STAU2: variants seen among roughly 807,000 people sequenced by gnomAD.
STAU2 encodes the protein staufen double-stranded RNA binding protein 2, also known as double-stranded RNA-binding protein Staufen homolog 2.
In STAU2, 20 loss-of-function variants were observed where a neutral mutation model predicts 65.9. The ratio of observed to expected loss-of-function variants is 0.30; its 90% CI spans 0.21 to 0.44. The LOEUF (loss-of-function observed/expected upper bound fraction) is 0.44, where lower values mean the gene tolerates loss of function less well. STAU2 is among the 20% of genes least tolerant of loss of function. The pLI, the probability that STAU2 is intolerant of heterozygous loss-of-function variation, is 1.00. For synonymous variants in STAU2, 232 were observed against 233.9 expected (o/e 0.99, Z 0.07); for missense variants, 558 against 683.9 (o/e 0.82, Z 2.05).
At chr8:73,591,898 A>C (rs971439932) in intron 11 of STAU2, among the ~76,000 whole-genome samples, 1 of 145,066 alleles carries the variant, frequency 6.9e-6, no homozygotes, top group African/African-American at 2.6e-5. Context: ...AAAAAAAAAA[A>C]AAAAAAAAAA....
chr8:73,476,005 G>A (rs778463292), intron 13 of STAU2, among the ~76,000 whole-genome samples: 9 of 152,030 alleles, frequency 5.9e-5, no homozygotes, highest in South Asian at 2.1e-4. Flanking sequence ...AATAAATTAC[G>A]TGGCCCTGAG....
At chr8:73,564,406 T>A (rs150416179) in intron 12 of STAU2, among the ~76,000 whole-genome samples, 2 of 152,300 alleles carry the variant, frequency 1.3e-5, no homozygotes, top group African/African-American at 4.8e-5. Context: ...AAATACTGCA[T>A]GTTCTCACTT....
intron 13 of STAU2, among the ~76,000 whole-genome samples, chr8:73,532,142 C>A (rs1371739631): frequency 6.6e-6 from 1 of 152,128 alleles, no homozygotes; most frequent in Non-Finnish European, 1.5e-5. Context: ...AAATAGAGGT[C>A]ATAAGACTGA....
intron 4 of STAU2, among the ~76,000 whole-genome samples, chr8:73,698,862 C>T (rs1321550945): frequency 3.4e-5 from 5 of 148,640 alleles, no homozygotes; most frequent in East Asian, 2.0e-4. Flanking sequence ...TTTTTCTCCT[C>T]GACACATGGA....
intron 13 of STAU2, among the ~76,000 whole-genome samples, chr8:73,517,200 T>C (rs1195552788): frequency 2.0e-5 from 3 of 152,064 alleles, no homozygotes; most frequent in African/African-American, 4.8e-5. Context: ...AAGGATCAAT[T>C]GAGCCCAGGA....
At chr8:73,562,430 G>C (rs1808300263) in intron 12 of STAU2, among the ~76,000 whole-genome samples, 1 of 152,188 alleles carries the variant, frequency 6.6e-6, no homozygotes, top group South Asian at 2.1e-4. Flanking sequence ...AGGCTGCAGT[G>C]AGCTATAATG....
In STAU2 at chr8:73,460,458, C is replaced by T. The variant is rs1021855172; in HGVS notation, c.1531-37756G>A. Among the ~76,000 whole-genome samples, 5 of 152,270 alleles carry T rather than the reference C, an allele frequency of 3.3e-5. No individual in the cohort carries two copies. In the South Asian group the frequency reaches 6.2e-4, roughly 19 times the overall value. ...TTTGAACAAGTTTAAACACATTTGA[C>T]GACATCTAGCTTAAAAACTCCTTGT... On this transcript the variant is annotated intron_variant, in intron 13 of 14. Coordinates refer to ENST00000524300, the MANE Select transcript of STAU2 (RefSeq NM_001164380.2).
chr8:73,534,887 T>C (rs564571727), intron 13 of STAU2, among the ~76,000 whole-genome samples: 1 of 152,228 alleles, frequency 6.6e-6, no homozygotes, highest in Non-Finnish European at 1.5e-5. Context: ...TAAAGGGACA[T>C]GGATAAATAA....
intron 9 of STAU2, among the ~76,000 whole-genome samples, chr8:73,611,617 T>C (rs775736602): frequency 1.8e-4 from 28 of 151,550 alleles, no homozygotes; most frequent in Non-Finnish European, 4.0e-4. Context: ...TATCCTACTA[T>C]AGAAATGTAC....
intron 1 of STAU2, among the ~76,000 whole-genome samples, chr8:73,742,598 C>T (rs1276337396): frequency 6.6e-6 from 1 of 151,800 alleles, no homozygotes; most frequent in East Asian, 1.9e-4. Context: ...ACAGTTGATT[C>T]CAATTACAAC....
intron 13 of STAU2, among the ~76,000 whole-genome samples, chr8:73,436,158 T>C (rs1438902261): frequency 6.6e-6 from 1 of 151,892 alleles, no homozygotes; most frequent in Non-Finnish European, 1.5e-5. Flanking sequence ...CTGGATTGCA[T>C]GTGGGAGGGC....
intron 5 of STAU2, among the ~76,000 whole-genome samples, chr8:73,687,223 CTTAAATATAAATTAAT>C (rs1172593829): frequency 1.1e-4 from 14 of 130,330 alleles, no homozygotes; most frequent in African/African-American, 4.1e-4. Context: ...TAAATATAAA[CTTAAATATAAATTAAT>C]TTAAATATAA....
Position 73,713,182 on chromosome 8 carries a change from C to T in STAU2, c.-17-4020G>A, listed in dbSNP as rs566924347. 2.0e-5 allele frequency among the ~76,000 whole-genome samples: 3 copies of T among 152,242 alleles called. No individual in the cohort carries two copies. In the South Asian group the frequency reaches 6.2e-4, roughly 32 times the overall value. On this transcript the variant is annotated intron_variant, in intron 3 of 14. Coordinates refer to ENST00000524300, the MANE Select transcript of STAU2 (RefSeq NM_001164380.2). ...CTGGTAAAATACATATTTATAATAA[C>T]AGTATTTGCATATCCAACAAAAACA... is the stretch of plus-strand genomic sequence containing the variant.
chr8:73,580,847 C>G (rs919261125), intron 12 of STAU2, among the ~76,000 whole-genome samples: 3 of 152,160 alleles, frequency 2.0e-5, no homozygotes, highest in Non-Finnish European at 4.4e-5. Context: ...ACTCTTAGAG[C>G]AGCTTTCTCA....
chr8:73,421,155 T>C lies in STAU2; in HGVS notation c.*217A>G. On this transcript the variant is annotated 3_prime_UTR_variant, in exon 15 of 15. Coordinates refer to ENST00000524300, the MANE Select transcript of STAU2 (RefSeq NM_001164380.2). The stretch of plus-strand genomic sequence containing the variant: ...CTGCTGCCTCTAGGCAAATGAGTTA[T>C]GATCTGATCTCGAGTTCCAAGGGAA... 2.0e-6 allele frequency: 1 copy of C among 500,156 alleles called. No individual in the cohort carries two copies. The highest frequency in any genetic ancestry group is 3.2e-5 in the South Asian group (1 of 31,164). 31.0% of individuals were successfully genotyped at this position (500,156 alleles called of 1,614,324 possible).
intron 13 of STAU2, among the ~76,000 whole-genome samples, chr8:73,433,075 G>C (rs543612449): frequency 1.3e-4 from 20 of 152,226 alleles, no homozygotes; most frequent in Non-Finnish European, 2.6e-4. Flanking sequence ...CTGACAGCAG[G>C]AGTAACTGCA....
intron 13 of STAU2, among the ~76,000 whole-genome samples, chr8:73,466,734 T>C (rs570283639): frequency 1.6e-4 from 24 of 152,240 alleles, no homozygotes; most frequent in Admixed American, 2.0e-4. Context: ...ACTTCTACTT[T>C]GTGCTGTGGA....
At chr8:73,511,317 A>C (rs1314395048) in intron 13 of STAU2, 1 of 152,916 alleles carries the variant, frequency 6.5e-6, no homozygotes, top group African/African-American at 2.4e-5. Flanking sequence ...CCTCCTCCTC[A>C]TCTTCTTCTT....
chr8:73,582,221 GA>G (rs1222295163), intron 12 of STAU2, among the ~76,000 whole-genome samples: 1 of 152,026 alleles, frequency 6.6e-6, no homozygotes, highest in African/African-American at 2.4e-5. Context: ...TTACACTTCT[GA>G]CATTTCACTT....
Sources: allele counts gnomAD v4.1 joint callset (sites outside exome capture counted in the v4.1 genomes callset), GRCh38; gene constraint gnomAD v4.1.1; transcripts MANE v1.5; gene names NCBI Gene and HGNC (gene_info 2026-07-23, HGNC 2026-07-21).